ZNF101: variants seen among roughly 807,000 people sequenced by gnomAD.
ZNF101 encodes zinc finger protein 101, also known as zinc finger protein 101 (Y2).
ZNF101 carries 34 observed loss-of-function variants against 42.6 expected under a neutral mutation model. That is an observed-to-expected ratio of 0.80 (90% CI 0.61 to 1.06). The LOEUF (loss-of-function observed/expected upper bound fraction) is 1.06, where lower values mean the gene tolerates loss of function less well. ZNF101 is among the 50% of genes least tolerant of loss of function. ZNF101 has a pLI of 0.00. For missense variants in ZNF101, 466 were observed against 530.9 expected (o/e 0.88, Z 1.20); for synonymous variants, 158 against 183.9 (o/e 0.86, Z 1.14).
chr19:19,678,418 C>A (rs1445740116), intron 2 of ZNF101, among the ~76,000 whole-genome samples: 1 of 151,996 alleles, frequency 6.6e-6, no homozygotes, highest in Admixed American at 6.6e-5. Context: ...GAGTTTGAGA[C>A]CAGCCTGGTC....
chr19:19,676,208 G>T (rs1260882068), intron 1 of ZNF101: 3 of 152,032 alleles, frequency 2.0e-5, no homozygotes, highest in African/African-American at 7.2e-5. Context: ...TTTTCTAGAG[G>T]TGGCTATAAC....
rs1246560749 is a variant in ZNF101 at position 19,681,206 on chromosome 19, T to C, written c.*906T>C. 6.6e-6 allele frequency: 1 copy of C among 152,154 alleles called. No homozygotes were observed. Among genetic ancestry groups the C allele is most frequent in the Non-Finnish European group, 1.5e-5 (1 of 68,030 alleles). The allele number at this position is 152,154 out of a possible 1,614,324, so 9.4% of individuals were successfully genotyped here. On this transcript the variant is annotated 3_prime_UTR_variant, in exon 4 of 4. Coordinates refer to ENST00000592502, the MANE Select transcript of ZNF101 (RefSeq NM_033204.4). ...GGAATACATTCAGTTTCCAAAGATA[T>C]GAAAAGACTAACTGGAAAAAAATCC...
upstream of ZNF101, among the ~76,000 whole-genome samples, chr19:19,668,372 T>C (rs1026383586): frequency 2.6e-5 from 4 of 151,730 alleles, no homozygotes; most frequent in Non-Finnish European, 2.9e-5. Flanking sequence ...TTTGCCAGCT[T>C]TGTTATGCAA....
intron 1 of ZNF101, among the ~76,000 whole-genome samples, chr19:19,669,775 G>T (rs559561969): frequency 1.4e-4 from 22 of 152,224 alleles, no homozygotes; most frequent in Non-Finnish European, 3.1e-4. Context: ...GAGCCACTGC[G>T]CCTGGCAAGA....
chr19:19,679,216 G>C lies in ZNF101; in HGVS notation c.227G>C (p.Gly76Ala). 6.2e-7 allele frequency: 1 copy of C among 1,614,010 alleles called. No individual in the cohort carries two copies. Among genetic ancestry groups the C allele is most frequent in the South Asian group, 1.1e-5 (1 of 91,078 alleles). ...LVERLCGRKEGNEHRETFSQI... is the reference protein window; with the variant it reads ...LVERLCGRKEANEHRETFSQI... ...GAGAGACTCTGTGGACGTAAAGAAG[G>C]GAATGAACACAGAGAAACTTTCAGC... The change falls in exon 4 of 4, where the codon GGG becomes GCG. Residue 76 changes from glycine (G) to alanine (A), a missense_variant. Transcript: ENST00000592502.
In ZNF101 at chr19:19,680,913, C is replaced by G. The variant is rs945519985; in HGVS notation, c.*613C>G. On this transcript the variant is annotated 3_prime_UTR_variant, in exon 4 of 4. Coordinates refer to ENST00000592502, the MANE Select transcript of ZNF101 (RefSeq NM_033204.4). ...CCAGCCTGGTGACAGAGCGAGACTT[C>G]GTCTCAAAACAAACAAAAAAAAGAA... 1 of 151,560 alleles carries G rather than the reference C, an allele frequency of 6.6e-6. No homozygotes were observed. The highest frequency in any genetic ancestry group is 2.4e-5 in the African/African-American group (1 of 41,168). The allele number at this position is 151,560 out of a possible 1,614,324, so 9.4% of individuals were successfully genotyped here.
intron 1 of ZNF101, chr19:19,676,289 T>C (rs1421539953): frequency 6.6e-6 from 1 of 152,000 alleles, no homozygotes; most frequent in Admixed American, 6.6e-5. Context: ...GGCTAATTTT[T>C]CTATTTTTAA....
At chr19:19,669,304 T>C (rs971555151) in intron 1 of ZNF101, among the ~76,000 whole-genome samples, 8 of 152,090 alleles carry the variant, frequency 5.3e-5, no homozygotes, top group African/African-American at 1.9e-4. Context: ...GGGTCCCCAG[T>C]TCCTCCTCCC....
intron 1 of ZNF101, among the ~76,000 whole-genome samples, 168 bp downstream of exon 1, chr19:19,669,134 G>C (rs559942983): frequency 6.6e-6 from 1 of 152,280 alleles, no homozygotes; most frequent in East Asian, 1.9e-4. Context: ...TGGACCAGCC[G>C]CCGGGACCCC....
intron 1 of ZNF101, among the ~76,000 whole-genome samples, chr19:19,670,314 G>T (rs960594860): frequency 1.3e-5 from 2 of 152,196 alleles, no homozygotes; most frequent in Admixed American, 6.5e-5. Context: ...CACAGTCATG[G>T]CTTACTACGG....
intron 1 of ZNF101, among the ~76,000 whole-genome samples, chr19:19,675,731 G>A (rs187111393): frequency 1.3e-5 from 2 of 152,166 alleles, no homozygotes; most frequent in East Asian, 3.9e-4. Flanking sequence ...ATAATAGGCC[G>A]GGCACAGTGG....
rs768883472 is a variant in ZNF101, at chr19:19,679,496, T to G, written c.507T>G (p.Tyr169Ter). Residue 169 changes from tyrosine (Y) to a stop codon, truncating the protein, a stop_gained, in exon 4 of 4, where the codon TAT (tyrosine) becomes TAG (stop). Transcript: ENST00000592502. LOFTEE classifies it high-confidence loss of function. ...RTVTPTRKRP[Y>*]ECKVCGKAFN... ...TAACACCAACTCGAAAGAGACCTTATGAATGCAAGGTGTGCGGGAAAGCCT... is the reference window on the plus strand; with the variant it reads ...TAACACCAACTCGAAAGAGACCTTAGGAATGCAAGGTGTGCGGGAAAGCCT... 1 of 1,614,180 alleles carries G rather than the reference T, an allele frequency of 6.2e-7. No individual in the cohort carries two copies. The highest frequency in any genetic ancestry group is 1.1e-5 in the South Asian group (1 of 91,088).
At chr19:19,674,113 A>G (rs1241407764) in intron 1 of ZNF101, among the ~76,000 whole-genome samples, 1 of 150,956 alleles carries the variant, frequency 6.6e-6, no homozygotes, top group Non-Finnish European at 1.5e-5. Flanking sequence ...TTTTGGTGCT[A>G]TTGTTTGTGG....
Position 19,676,232 on chromosome 19 carries a change from G to GT in ZNF101, c.4-1626dup, listed in dbSNP as rs1397958998. The GT allele has an allele frequency of 4.0e-5, 6 of 151,814 alleles. 1 individual carries two copies. Among genetic ancestry groups the GT allele is most frequent in the Admixed American group, 3.9e-4 (6 of 15,212 alleles). The allele number at this position is 151,814 out of a possible 1,614,324, so 9.4% of individuals were successfully genotyped here. A position where few individuals can be genotyped will look rare whatever the true frequency, so the allele number is the denominator to read the frequency against. ...GGTGGCTATAACTTTTAATTTTTTT[G>GT]TTTTTTGAGGTGGAGTCTTGCTCTG... On this transcript the variant is annotated intron_variant, in intron 1 of 3. Transcript: ENST00000592502.
At position 19,681,609 on chromosome 19, in the gene ZNF101, G is replaced by A. The variant is rs2062240336; in HGVS notation, c.*1309G>A. 6.6e-6 allele frequency: 1 copy of A among 152,082 alleles called. No individual in the cohort carries two copies. The highest frequency in any genetic ancestry group is 1.5e-5 in the Non-Finnish European group (1 of 68,036). The allele number at this position is 152,082 out of a possible 1,614,324, so 9.4% of individuals were successfully genotyped here. A position where few individuals can be genotyped will look rare whatever the true frequency, so the allele number is the denominator to read the frequency against. The stretch of plus-strand genomic sequence containing the variant: ...TACAAAAAATAGAAAAGTTAGCCAG[G>A]GATGATGGTGTTCGCCTGTAGTCCC... On this transcript the variant is annotated 3_prime_UTR_variant, in exon 4 of 4. Coordinates refer to ENST00000592502, the MANE Select transcript of ZNF101 (RefSeq NM_033204.4).
chr19:19,668,832 G>C (rs986326322), upstream of ZNF101: 1 of 1,194,518 alleles, frequency 8.4e-7, no homozygotes, highest in Non-Finnish European at 1.1e-6. Context: ...TTTCCCGCCG[G>C]CCCCCCATTC....
chr19:19,678,557 G>T (rs2062217050), intron 2 of ZNF101, among the ~76,000 whole-genome samples, 169 bp from the exon 3 acceptor site: 1 of 151,798 alleles, frequency 6.6e-6, no homozygotes, highest in Non-Finnish European at 1.5e-5. Context: ...GGAGGCTGCA[G>T]TGAGCAGAGA....
Position 19,677,569 on chromosome 19 carries a change from A to G in ZNF101, c.4-295A>G, listed in dbSNP as rs2062209630. ...CCAGGTGGTGGGAGTTTGTTGTGAC[A>G]GGTACTAGAGATTCACTCTGCAAAG... is the stretch of plus-strand genomic sequence containing the variant. On this transcript the variant is annotated intron_variant, in intron 1 of 3. Coordinates refer to ENST00000592502, the MANE Select transcript of ZNF101 (RefSeq NM_033204.4). 5 of 248,204 alleles carry G rather than the reference A, an allele frequency of 2.0e-5. No individual in the cohort carries two copies. In the South Asian group the frequency reaches 2.8e-4, roughly 14 times the overall value. 15.4% of individuals were successfully genotyped at this position (248,204 alleles called of 1,614,324 possible). A position where few individuals can be genotyped will look rare whatever the true frequency, so the allele number is the denominator to read the frequency against.
intron 1 of ZNF101, among the ~76,000 whole-genome samples, chr19:19,671,574 A>G (rs1408139102): frequency 6.7e-6 from 1 of 148,360 alleles, no homozygotes; most frequent in African/African-American, 2.5e-5. Context: ...ATCTCGGCTC[A>G]CTGCAAGCTC....
Sources: allele counts gnomAD v4.1 joint callset (sites outside exome capture counted in the v4.1 genomes callset), GRCh38; gene constraint gnomAD v4.1.1; transcripts MANE v1.5; gene names NCBI Gene and HGNC (gene_info 2026-07-23, HGNC 2026-07-21).